Variants in ADGRV1 observed in about 807,000 individuals in gnomAD.
The protein encoded by ADGRV1 is G-protein coupled receptor 98.
ADGRV1 carries 359 observed loss-of-function variants against 596.2 expected under a neutral mutation model. The observed-to-expected ratio is 0.60, with a 90% CI of 0.55 to 0.66. The LOEUF is 0.66. Among genes scored for constraint, ADGRV1 ranks in the 30% least tolerant of loss-of-function variants. The pLI is 0.00. For synonymous variants in ADGRV1, 2,681 were observed against 2,679.2 expected, an observed-to-expected ratio of 1.00 and a Z score of -0.02; for missense variants, 7,274 against 7,575.6, an observed-to-expected ratio of 0.96 and a Z score of 1.48.
intron 83 of ADGRV1, among the ~76,000 whole-genome samples, chr5:90,922,405 G>A (rs78071094): frequency 3.9e-5 from 6 of 152,014 alleles, no homozygotes; most frequent in East Asian, 1.9e-4. Context: ...TACTTACAAC[G>A]TGGCCTTAGG....
chr5:90,807,461 C>A (rs1762012410), intron 72 of ADGRV1, 141 bp from the exon 73 acceptor site: 2 of 745,736 alleles, frequency 2.7e-6, no homozygotes, highest in East Asian at 2.8e-5. Context: ...TCTCCCCCGA[C>A]CCCTTTTTAA....
Position 91,055,747 on chromosome 5 carries a change from AC to A in ADGRV1, c.18153-16697del, listed in dbSNP as rs953647183. 3.3e-5 allele frequency among the ~76,000 whole-genome samples: 5 copies of A among 152,316 alleles called. No individual in the cohort carries two copies. In the South Asian group the frequency reaches 1.0e-3, roughly 32 times the overall value. On this transcript the variant is annotated intron_variant, in intron 85 of 89. Transcript: ENST00000405460. ...TTGGTGTATTTCCACACATAATCCAACCCAGTGAGATTAGTCTCTGTTCTAT... is the reference window on the plus strand; with the variant it reads ...TTGGTGTATTTCCACACATAATCCAACCAGTGAGATTAGTCTCTGTTCTAT...
intron 85 of ADGRV1, among the ~76,000 whole-genome samples, chr5:91,044,930 A>G (rs1785665081): frequency 6.6e-6 from 1 of 152,164 alleles, no homozygotes; most frequent in African/African-American, 2.4e-5. Flanking sequence ...GTTTCTAAAG[A>G]AATTCAGATG....
intron 84 of ADGRV1, among the ~76,000 whole-genome samples, chr5:90,966,618 G>C (rs1347020286): frequency 1.3e-5 from 2 of 151,928 alleles, no homozygotes; most frequent in Admixed American, 1.3e-4. Context: ...CCATTGGTTT[G>C]GAAGAGATTA....
intron 82 of ADGRV1, among the ~76,000 whole-genome samples, chr5:90,861,965 C>T (rs909179068): frequency 2.6e-5 from 4 of 152,040 alleles, no homozygotes; most frequent in Non-Finnish European, 5.9e-5. Context: ...AACTATGATG[C>T]GTTATAGTTA....
chr5:91,054,787 A>G (rs557779552), intron 85 of ADGRV1, among the ~76,000 whole-genome samples: 22 of 152,232 alleles, frequency 1.4e-4, no homozygotes, highest in Admixed American at 1.1e-3. Flanking sequence ...CAACATGTAA[A>G]TTTTGGGAAG....
chr5:90,911,125 G>A (rs553183862), intron 83 of ADGRV1, among the ~76,000 whole-genome samples: 7 of 152,250 alleles, frequency 4.6e-5, no homozygotes, highest in African/African-American at 1.7e-4. Context: ...TTTTTTCAGA[G>A]AACCATAACA....
chr5:90,916,253 G>A (rs1013216949), intron 83 of ADGRV1, among the ~76,000 whole-genome samples: 2 of 151,864 alleles, frequency 1.3e-5, no homozygotes, highest in African/African-American at 4.8e-5. Flanking sequence ...TTAAAACATG[G>A]ATTTAATATA....
intron 16 of ADGRV1, 99 bp from the exon 17 acceptor site, chr5:90,647,399 A>T: frequency 8.1e-7 from 1 of 1,240,800 alleles, no homozygotes; most frequent in Non-Finnish European, 1.1e-6. Flanking sequence ...ACACAGTACA[A>T]GGCTTCTCTC....
intron 14 of ADGRV1, 86 bp from the exon 15 acceptor site, chr5:90,644,620 T>G: frequency 9.6e-7 from 1 of 1,036,280 alleles, no homozygotes; most frequent in Non-Finnish European, 1.4e-6. Context: ...TTGTTTTTAT[T>G]TTTGTTTATT....
At chr5:90,868,103 T>G (rs1449057713) in intron 83 of ADGRV1, among the ~76,000 whole-genome samples, 2 of 152,086 alleles carry the variant, frequency 1.3e-5, no homozygotes, top group Non-Finnish European at 2.9e-5. Context: ...AGTGCATCAG[T>G]GAGTCTATGG....
chr5:90,761,200 CAAAT>C (rs1451555577), intron 58 of ADGRV1, among the ~76,000 whole-genome samples: 5 of 76,784 alleles, frequency 6.5e-5, no homozygotes, highest in Non-Finnish European at 1.2e-4. Context: ...TGAAATATAA[CAAAT>C]AAGGATTTGG....
At chr5:90,882,818 A>G (rs1769925033) in intron 83 of ADGRV1, among the ~76,000 whole-genome samples, 1 of 152,230 alleles carries the variant, frequency 6.6e-6, no homozygotes, top group South Asian at 2.1e-4. Flanking sequence ...TTATAAAAAT[A>G]TAAGTAATAA....
At chr5:91,079,306 A>G (rs984463826) in intron 86 of ADGRV1, among the ~76,000 whole-genome samples, 16 of 152,206 alleles carry the variant, frequency 1.1e-4, no homozygotes, top group African/African-American at 3.9e-4. Context: ...TGTGAAGCAC[A>G]GTTCACTCTT....
intron 84 of ADGRV1, among the ~76,000 whole-genome samples, chr5:90,983,886 C>A (rs893636319): frequency 1.3e-5 from 2 of 152,148 alleles, no homozygotes; most frequent in Admixed American, 1.3e-4. Context: ...TAATTTGGTA[C>A]AGATACAATC....
At chr5:91,052,654 G>T (rs768762141) in intron 85 of ADGRV1, among the ~76,000 whole-genome samples, 1 of 151,924 alleles carries the variant, frequency 6.6e-6, no homozygotes, top group Non-Finnish European at 1.5e-5. Context: ...GGCTGGTCTC[G>T]AATTCCTGAC....
chr5:90,764,687 G>C (rs1756899460), intron 59 of ADGRV1, among the ~76,000 whole-genome samples: 1 of 152,094 alleles, frequency 6.6e-6, no homozygotes, highest in Admixed American at 6.6e-5. Context: ...AGCCCCCTGG[G>C]ACCCACCTGT....
At chr5:91,107,586 T>C (rs1372825537) in intron 87 of ADGRV1, among the ~76,000 whole-genome samples, 1 of 152,146 alleles carries the variant, frequency 6.6e-6, no homozygotes, top group Admixed American at 6.5e-5. Context: ...AGAGGCAAGG[T>C]CATTTGTTGA....
At position 91,002,196 on chromosome 5, in the gene ADGRV1, G is replaced by A. The variant is rs539248243; in HGVS notation, c.18152+16674G>A. ...TGGGTGGGCTCCTAAGTCCACAGAC[G>A]CGGTGTGTTCTGCTCAATGAAATTT... On this transcript the variant is annotated intron_variant, in intron 85 of 89. Coordinates refer to ENST00000405460, the MANE Select transcript of ADGRV1 (RefSeq NM_032119.4). Among the ~76,000 whole-genome samples the A allele has an allele frequency of 1.6e-4, 24 of 152,160 alleles. 1 individual carries two copies. In the South Asian group the frequency reaches 4.8e-3, roughly 30 times the overall value.
Sources: gnomAD v4.1 joint callset for allele counts (sites outside exome capture counted in the v4.1 genomes callset) on GRCh38, gnomAD v4.1.1 for gene constraint, MANE v1.5 for transcripts, NCBI Gene and HGNC (gene_info 2026-07-23, HGNC 2026-07-21) for gene names.